The following ZNF536 variants were observed in gnomAD, a reference collection of about 807,000 sequenced individuals.
ZNF536 encodes the protein zinc finger protein 536.
Under a neutral mutation model 84.5 loss-of-function variants are expected in ZNF536, and 13 were observed. The observed-to-expected ratio is 0.15, with a 90% CI of 0.10 to 0.24. The LOEUF (loss-of-function observed/expected upper bound fraction) is 0.24. Among genes scored for constraint, ZNF536 ranks in the 10% least tolerant of loss-of-function variants. ZNF536 has a pLI of 1.00. For synonymous variants in ZNF536, 811 were observed against 742.5 expected (o/e 1.09, Z -1.50); for missense variants, 1,536 against 1,747.5 (o/e 0.88, Z 2.16).
chr19:30,316,920 G>T lies in ZNF536; in HGVS notation c.-120+32779G>T, dbSNP rs184697536. On this transcript the variant is annotated intron_variant, in intron 2 of 5. Coordinates refer to the ZNF536 transcript ENST00000585628. The stretch of plus-strand genomic sequence containing the variant: ...GTAGCATAAAGCCCTGTGAAGCCTG[G>T]CTGTGGACCCTGAGGAGCCTAGGGA... Among the ~76,000 whole-genome samples, 531 of 152,278 alleles carry T rather than the reference G, an allele frequency of 3.5e-3. 15 individuals are homozygous for T. Among genetic ancestry groups the T allele is most frequent in the Admixed American group, 0.032 (485 of 15,296 alleles).
At chr19:30,471,200 AG>A (rs1292803327) in intron 2 of ZNF536, among the ~76,000 whole-genome samples, 1 of 152,166 alleles carries the variant, frequency 6.6e-6, no homozygotes, top group Non-Finnish European at 1.5e-5. Context: ...AGGGAGATAA[AG>A]GACCATTCTC....
chr19:30,338,483 GTGATGA>G (rs113886104), intron 2 of ZNF536, among the ~76,000 whole-genome samples: 1,809 of 149,444 alleles, frequency 0.012, 35 homozygotes, highest in African/African-American at 0.042. Flanking sequence ...AATGATGATA[GTGATGA>G]TGATGATGAT....
intron 1 of ZNF536, among the ~76,000 whole-genome samples, chr19:30,241,065 C>T (rs960261480): frequency 6.6e-6 from 1 of 152,188 alleles, no homozygotes; most frequent in Admixed American, 6.5e-5. Flanking sequence ...CACCTTTAAT[C>T]CCAGCACTTT....
At chr19:30,334,191 C>T (rs1600261291) in intron 2 of ZNF536, among the ~76,000 whole-genome samples, 1 of 152,306 alleles carries the variant, frequency 6.6e-6, no homozygotes, top group East Asian at 1.9e-4. Flanking sequence ...CTAGAACATT[C>T]TCTTTCCTGC....
At chr19:30,277,998 C>G (rs762367008) in intron 1 of ZNF536, among the ~76,000 whole-genome samples, 1 of 152,286 alleles carries the variant, frequency 6.6e-6, no homozygotes, top group Middle Eastern at 3.4e-3. Context: ...TCTCTCTGGG[C>G]CCTGTCCTCT....
chr19:30,504,651 A>C (rs1016992082), intron 2 of ZNF536, among the ~76,000 whole-genome samples: 7 of 110,440 alleles, frequency 6.3e-5, no homozygotes, highest in Admixed American at 3.7e-4. Context: ...TGGCCCTCTC[A>C]CTCTCCTGCC....
intron 1 of ZNF536, among the ~76,000 whole-genome samples, chr19:30,637,998 C>T: frequency 6.6e-6 from 1 of 152,134 alleles, no homozygotes; most frequent in East Asian, 1.9e-4. Flanking sequence ...CCCAAACATC[C>T]TTGTGGCTTA....
At chr19:30,406,919 A>G (rs1250193855) in intron 1 of ZNF536, among the ~76,000 whole-genome samples, 1 of 152,234 alleles carries the variant, frequency 6.6e-6, no homozygotes, top group African/African-American at 2.4e-5. Context: ...AGATCCACAG[A>G]GTAGACAGAG....
At chr19:30,687,578 C>A (rs2051240323) in intron 1 of ZNF536, among the ~76,000 whole-genome samples, 1 of 152,174 alleles carries the variant, frequency 6.6e-6, no homozygotes, top group South Asian at 2.1e-4. Flanking sequence ...AGTGTAAACT[C>A]AAGGTCACGT....
intron 1 of ZNF536, among the ~76,000 whole-genome samples, chr19:30,434,874 G>A (rs1181919386): frequency 1.3e-5 from 2 of 150,152 alleles, no homozygotes; most frequent in Non-Finnish European, 3.0e-5. Context: ...GATGATGATG[G>A]TGATGGTAGT....
chr19:30,464,629 T>C (rs564497706), intron 2 of ZNF536, among the ~76,000 whole-genome samples: 1 of 151,838 alleles, frequency 6.6e-6, no homozygotes, highest in African/African-American at 2.4e-5. Context: ...GCCAGGTGCA[T>C]TGGGGTCAAT....
intron 3 of ZNF536, among the ~76,000 whole-genome samples, chr19:30,545,837 G>A (rs1045257581): frequency 2.0e-5 from 3 of 152,040 alleles, no homozygotes; most frequent in African/African-American, 4.8e-5. Context: ...CTTTAGCTCC[G>A]CTAATGAATG....
chr19:30,675,414 G>A lies in ZNF536; in HGVS notation c.170-35343G>A, dbSNP rs368781019. On this transcript the variant is annotated intron_variant, in intron 1 of 1. Transcript: ENST00000592773. ...TGAGAAAGGACGCTGTTCCTAACAG[G>A]TGAAAGACTGAAAGACTCTTCTCCT... is the stretch of plus-strand genomic sequence containing the variant. 9.2e-5 allele frequency among the ~76,000 whole-genome samples: 14 copies of A among 152,298 alleles called. No homozygotes were observed. In the East Asian group the frequency reaches 2.7e-3, roughly 29 times the overall value.
intron 1 of ZNF536, among the ~76,000 whole-genome samples, chr19:30,668,285 G>A (rs1600209715): frequency 6.6e-6 from 1 of 152,112 alleles, no homozygotes; most frequent in Non-Finnish European, 1.5e-5. Context: ...AGTTTGAGGG[G>A]AGGGGGTGTG....
intron 2 of ZNF536, among the ~76,000 whole-genome samples, chr19:30,516,000 C>T (rs187504232): frequency 2.7e-3 from 364 of 133,156 alleles, no homozygotes; most frequent in African/African-American, 0.011. Flanking sequence ...GCACTCCAGC[C>T]TGGGTGACAG....
chr19:30,624,274 A>G (rs1447693115), intron 1 of ZNF536, among the ~76,000 whole-genome samples: 2 of 152,118 alleles, frequency 1.3e-5, no homozygotes, highest in African/African-American at 4.8e-5. Context: ...AGGGTCATCT[A>G]TGAAAGCTTT....
At chr19:30,573,950 G>C (rs889282752) in intron 1 of ZNF536, among the ~76,000 whole-genome samples, 2 of 152,192 alleles carry the variant, frequency 1.3e-5, no homozygotes, top group African/African-American at 4.8e-5. Context: ...GCCAGGACGG[G>C]CAGCTGTCTT....
intron 1 of ZNF536, among the ~76,000 whole-genome samples, chr19:30,627,709 T>C (rs1460783209): frequency 6.6e-6 from 1 of 152,150 alleles, no homozygotes; most frequent in African/African-American, 2.4e-5. Context: ...TATTCTATGA[T>C]GCGCTGAGCT....
intron 2 of ZNF536, among the ~76,000 whole-genome samples, chr19:30,485,080 C>G: frequency 6.6e-6 from 1 of 152,056 alleles, no homozygotes; most frequent in South Asian, 2.1e-4. Flanking sequence ...GAAGGCAGAG[C>G]TTTCAGTGAG....
Sources: allele counts gnomAD v4.1 joint callset (sites outside exome capture counted in the v4.1 genomes callset), GRCh38; gene constraint gnomAD v4.1.1; transcripts MANE v1.5; gene names NCBI Gene and HGNC (gene_info 2026-07-23, HGNC 2026-07-21).